RBM41: variants seen among roughly 807,000 people sequenced by gnomAD.
The protein encoded by RBM41 is RNA-binding protein 41.
In RBM41, 14 loss-of-function variants were observed where a neutral mutation model predicts 30.8. The observed-to-expected ratio is 0.45, with a 90% CI of 0.30 to 0.71. The LOEUF (loss-of-function observed/expected upper bound fraction) is 0.71. Among genes scored for constraint, RBM41 ranks in the 30% least tolerant of loss-of-function variants. The probability of loss-of-function intolerance (pLI) is 0.08; values close to 1 mark genes in which losing one functional copy is unlikely to be tolerated. For missense variants in RBM41, 276 were observed against 326.3 expected (o/e 0.85, Z 1.19); for synonymous variants, 120 against 110.1 (o/e 1.09, Z -0.56).
At chrX:107,082,146 G>C in intron 6 of RBM41, among the ~76,000 whole-genome samples, 1 of 111,203 alleles carries the variant, frequency 9.0e-6, no homozygotes, top group Middle Eastern at 4.7e-3. Flanking sequence ...TTAGCTGTAG[G>C]GTGTTGCAGA....
chrX:107,099,728 C>CAT (rs1342614525), intron 5 of RBM41, among the ~76,000 whole-genome samples: 3 of 108,735 alleles, frequency 2.8e-5, no homozygotes, highest in South Asian at 4.0e-4. Context: ...CACACACACA[C>CAT]GAACACGAAG....
At chrX:107,081,570 G>A (rs1921517581) in intron 6 of RBM41, among the ~76,000 whole-genome samples, 1 of 111,902 alleles carries the variant, frequency 8.9e-6, no homozygotes, top group Admixed American at 9.5e-5. Context: ...ATTTCATTGG[G>A]ATTGTGTGGA....
At chrX:107,083,436 T>C (rs1921729470) in intron 6 of RBM41, among the ~76,000 whole-genome samples, 1 of 111,405 alleles carries the variant, frequency 9.0e-6, no homozygotes, top group Non-Finnish European at 1.9e-5. Flanking sequence ...ATCTGTAGTT[T>C]GTTATCTGCT....
intron 5 of RBM41, among the ~76,000 whole-genome samples, chrX:107,106,653 A>G (rs1421400916): frequency 4.5e-5 from 5 of 111,569 alleles, no homozygotes; most frequent in African/African-American, 1.3e-4. Flanking sequence ...GATTAAGAAA[A>G]TGTGGCCCAT....
intron 6 of RBM41, among the ~76,000 whole-genome samples, chrX:107,072,529 C>T (rs1936101672): frequency 9.0e-6 from 1 of 111,572 alleles, no homozygotes; most frequent in African/African-American, 3.3e-5. Flanking sequence ...ATATTCCATG[C>T]TCATGGACTG....
At chrX:107,108,603 A>G (rs1241931615) in intron 5 of RBM41, among the ~76,000 whole-genome samples, 3 of 112,334 alleles carry the variant, frequency 2.7e-5, no homozygotes, top group Non-Finnish European at 5.6e-5. Flanking sequence ...TATTAAGACA[A>G]TTCAATGAAA....
intron 7 of RBM41, among the ~76,000 whole-genome samples, chrX:107,068,594 T>G (rs1053283549): frequency 9.0e-6 from 1 of 110,938 alleles, no homozygotes; most frequent in African/African-American, 3.3e-5. Flanking sequence ...ATGAAAACAA[T>G]GGAGGGGAGT....
At chrX:107,084,101 G>C (rs1602570405) in intron 6 of RBM41, among the ~76,000 whole-genome samples, 1 of 89,136 alleles carries the variant, frequency 1.1e-5, no homozygotes, top group Admixed American at 1.3e-4. Context: ...TTCTTCTACT[G>C]TCTTTTTGTC....
rs185404311 is a variant in RBM41 at position 107,070,750 on chromosome X, G to A, written c.1000-1348C>T. 2.6e-3 allele frequency among the ~76,000 whole-genome samples: 291 copies of A among 111,047 alleles called. 1 individual carries two copies. The highest frequency in any genetic ancestry group is 9.1e-3 in the African/African-American group (279 of 30,545). ...TTAGGCGGCACGGGAGGGTAGGTGCGGTGGCTCACTCCTGTAATCCCAGTG... is the reference window on the plus strand; with the variant it reads ...TTAGGCGGCACGGGAGGGTAGGTGCAGTGGCTCACTCCTGTAATCCCAGTG... On this transcript the variant is annotated intron_variant, in intron 6 of 7. Coordinates refer to ENST00000685964, the MANE Select transcript of RBM41 (RefSeq NM_001324242.2).
intron 5 of RBM41, among the ~76,000 whole-genome samples, chrX:107,094,564 C>A (rs995043237): frequency 2.7e-5 from 3 of 111,959 alleles, no homozygotes; most frequent in Admixed American, 1.9e-4. Flanking sequence ...AATAATGGCC[C>A]CCCAAAGATG....
rs1935800711 is a variant in RBM41, at chrX:107,065,481, C to A, written c.*2046G>T. ...CACTAACTTAATTCCAATGTAACAA[C>A]CCTATTCCTATATAAACCCATCCCC... is the stretch of plus-strand genomic sequence containing the variant. On this transcript the variant is annotated 3_prime_UTR_variant, in exon 8 of 8. Coordinates refer to ENST00000685964, the MANE Select transcript of RBM41 (RefSeq NM_001324242.2). The A allele has an allele frequency of 4.6e-6, 1 of 217,105 alleles. No individual in the cohort carries two copies. The highest frequency in any genetic ancestry group is 8.2e-6 in the Non-Finnish European group (1 of 122,417). The allele number at this position is 217,105 out of a possible 1,213,427, so 17.9% of individuals were successfully genotyped here.
At chrX:107,101,106 G>A (rs1569340888) in intron 5 of RBM41, among the ~76,000 whole-genome samples, 1 of 111,560 alleles carries the variant, frequency 9.0e-6, no homozygotes, top group East Asian at 2.8e-4. Context: ...TGTATGGGTG[G>A]TAAAGATATA....
At chrX:107,090,794 T>A (rs748300776) in intron 5 of RBM41, among the ~76,000 whole-genome samples, 15 of 110,635 alleles carry the variant, frequency 1.4e-4, no homozygotes, top group African/African-American at 4.9e-4. Context: ...ATTTTATTTA[T>A]TTTTTTTTAA....
At chrX:107,116,987 C>T (rs1924932927) in intron 1 of RBM41, among the ~76,000 whole-genome samples, 2 of 112,268 alleles carry the variant, frequency 1.8e-5, no homozygotes. Context: ...GTGTTTAAGA[C>T]ATAGTCCCTA....
rs984622973 is a variant in RBM41 at position 107,062,945 on chromosome X, C to G, written c.*4582G>C. Among the ~76,000 whole-genome samples the G allele has an allele frequency of 1.1e-4, 12 of 111,877 alleles. No individual in the cohort carries two copies. The highest frequency in any genetic ancestry group is 3.9e-4 in the African/African-American group (12 of 30,781). ...ATAATATATTCATAGATACACTTCA[C>G]TATTTTAATGGCTGCATAGTATTGT... On this transcript the variant is annotated 3_prime_UTR_variant, in exon 8 of 8. Coordinates refer to ENST00000685964, the MANE Select transcript of RBM41 (RefSeq NM_001324242.2).
Position 107,067,611 on chromosome X carries a change from C to T in RBM41, c.1230G>A (p.Lys410=). ...GGAGATTTGACCGTTGCTTTTTGTT[C>T]TTTCCAAACTCTATCACCAATATTT... is the stretch of plus-strand genomic sequence containing the variant. The part of the protein sequence containing the change: ...HGKILVIEFG[K]NKKQRSNLQA... Residue 410 remains lysine, a synonymous_variant, in exon 8 of 8, where the codon AAG becomes AAA. Transcript: ENST00000685964. The T allele has an allele frequency of 8.3e-7, 1 of 1,210,543 alleles. No homozygotes were observed. Among genetic ancestry groups the T allele is most frequent in the Non-Finnish European group, 1.1e-6 (1 of 894,749 alleles).
chrX:107,088,324 GC>G, intron 6 of RBM41, 111 bp downstream of exon 6: 1 of 724,623 alleles, frequency 1.4e-6, no homozygotes, highest in Non-Finnish European at 2.1e-6. Context: ...CAATCACTGT[GC>G]CTATATCATG....
At chrX:107,084,414 A>T (rs1434253362) in intron 6 of RBM41, among the ~76,000 whole-genome samples, 1 of 111,586 alleles carries the variant, frequency 9.0e-6, no homozygotes, top group East Asian at 2.8e-4. Flanking sequence ...GGAGTTGGAT[A>T]AGGCTTTGGT....
chrX:107,069,102 CAG>C (rs750988316), intron 7 of RBM41, among the ~76,000 whole-genome samples, 151 bp downstream of exon 7: 180 of 111,599 alleles, frequency 1.6e-3, no homozygotes, highest in African/African-American at 5.7e-3. Flanking sequence ...GGAGAGGAAA[CAG>C]AAAGAAACAC....
Sources: allele counts gnomAD v4.1 joint callset (sites outside exome capture counted in the v4.1 genomes callset), GRCh38; gene constraint gnomAD v4.1.1; transcripts MANE v1.5; gene names NCBI Gene and HGNC (gene_info 2026-07-23, HGNC 2026-07-21).